The following SMARCA2 variants were observed in gnomAD, a reference collection of about 807,000 sequenced individuals.
SMARCA2 encodes the protein SWI/SNF-related matrix-associated actin-dependent regulator of chromatin subfamily A member 2.
In SMARCA2, 61 loss-of-function variants were observed where a neutral mutation model predicts 199.8. The ratio of observed to expected loss-of-function variants is 0.31; its 90% confidence interval spans 0.25 to 0.38. The LOEUF (loss-of-function observed/expected upper bound fraction) is 0.38, where lower values mean the gene tolerates loss of function less well. Among genes scored for constraint, SMARCA2 ranks in the 10% least tolerant of loss-of-function variants. The pLI, the probability that SMARCA2 is intolerant of heterozygous loss-of-function variation, is 1.00. For synonymous variants in SMARCA2, 935 were observed against 732.0 expected (o/e 1.28, Z -4.48); for missense variants, 1,344 against 2,012.2 (o/e 0.67, Z 6.35).
chr9:2,077,635 T>TA lies in SMARCA2; in HGVS notation c.2045dup (p.Gln683AlafsTer5), dbSNP rs768905279. On this transcript the variant is annotated frameshift_variant, in exon 14 of 34. Transcript: ENST00000349721. LOFTEE classifies it high-confidence loss of function. ...CCACTTTTTCCTTTCCCAGGACAGCTAAGCAAGACGTGGATGATGAATACA... is the reference window on the plus strand; with the variant it reads ...CCACTTTTTCCTTTCCCAGGACAGCTAAAGCAAGACGTGGATGATGAATACA... 1 of 1,613,782 alleles carries TA rather than the reference T, an allele frequency of 6.2e-7. No homozygotes were observed. The highest frequency in any genetic ancestry group is 1.7e-4 in the Middle Eastern group (1 of 6,060).
intron 9 of SMARCA2, chr9:2,069,053 A>C (rs1820968691): frequency 6.6e-6 from 1 of 151,358 alleles, no homozygotes; most frequent in Non-Finnish European, 1.5e-5. Flanking sequence ...AGTAGCTGGG[A>C]CTACAGGTAC....
intron 14 of SMARCA2, 67 bp downstream of exon 14, chr9:2,077,843 T>A: frequency 7.0e-7 from 1 of 1,438,146 alleles, no homozygotes; most frequent in Non-Finnish European, 9.5e-7. Context: ...TTGAAGTATG[T>A]CGTGCACATG....
Position 2,161,918 on chromosome 9 carries a change from C to G in SMARCA2, c.4199+15C>G, listed in dbSNP as rs1405207386. 2 of 1,602,264 alleles carry G rather than the reference C, an allele frequency of 1.2e-6. No homozygotes were observed. The highest frequency in any genetic ancestry group is 2.7e-5 in the African/African-American group (2 of 74,666). ...TACAAAGATAGGTGAGTGTTTGGTT[C>G]CTTCACCTTGATCATCTCTCACCAA... On this transcript the variant is annotated intron_variant, in intron 28 of 33. Transcript: ENST00000349721. The surrounding 1 kb of genome is among the most constrained non-coding windows in gnomAD (Gnocchi z 4.7).
chr9:2,110,445 G>C lies in SMARCA2; in HGVS notation c.3456+28G>C. 2 of 1,547,500 alleles carry C rather than the reference G, an allele frequency of 1.3e-6. No homozygotes were observed. The highest frequency in any genetic ancestry group is 1.7e-6 in the Non-Finnish European group (2 of 1,148,310). On this transcript the variant is annotated intron_variant, in intron 24 of 33. Coordinates refer to ENST00000349721, the MANE Select transcript of SMARCA2 (RefSeq NM_003070.5). This position sits in a 1 kb window ranked among gnomAD's most constrained non-coding sequence, Gnocchi z 4.8. ...CTGCATGTCCCACTCAGGTGCCCAG[G>C]CCTCCCTCTGGAGAGCAACTAAAAG...
At chr9:2,035,511 G>A (rs2130221950) in intron 3 of SMARCA2, among the ~76,000 whole-genome samples, 1 of 152,212 alleles carries the variant, frequency 6.6e-6, no homozygotes, top group Non-Finnish European at 1.5e-5. Context: ...ATAATTGAGA[G>A]CATTTTTACT....
At chr9:2,028,121 A>G (rs1818911569) in intron 1 of SMARCA2, among the ~76,000 whole-genome samples, 1 of 147,826 alleles carries the variant, frequency 6.8e-6, no homozygotes, top group Non-Finnish European at 1.5e-5. Context: ...CTGATCCAGT[A>G]GTCATGGATG....
At chr9:2,134,368 C>A (rs7034086) in intron 27 of SMARCA2, among the ~76,000 whole-genome samples, 2 of 152,192 alleles carry the variant, frequency 1.3e-5, no homozygotes, top group East Asian at 3.8e-4. Flanking sequence ...CCTAGGTGCA[C>A]ACCAACCCAA....
Position 2,058,342 on chromosome 9 carries a change from C to A in SMARCA2, c.1399C>A (p.Arg467=). 1.9e-6 allele frequency: 3 copies of A among 1,614,116 alleles called. No homozygotes were observed. The highest frequency in any genetic ancestry group is 2.5e-6 in the Non-Finnish European group (3 of 1,179,958). Residue 467 remains arginine, a synonymous_variant, in exon 8 of 34, where the codon CGG becomes AGG. Coordinates refer to ENST00000349721, the MANE Select transcript of SMARCA2 (RefSeq NM_003070.5). The part of the protein sequence containing the change: ...QHAKDFKEYH[R]SVAGKIQKLS... ...TGCAAAAGATTTTAAGGAATATCAT[C>A]GGTCTGTGGCCGGAAAGATCCAGAA...
chr9:2,170,490 A>G lies in SMARCA2; in HGVS notation c.4253+18A>G, dbSNP rs369733687. The G allele has an allele frequency of 9.6e-5, 155 of 1,613,942 alleles. No homozygotes were observed. The highest frequency in any genetic ancestry group is 1.2e-4 in the Non-Finnish European group (145 of 1,179,950). On this transcript the variant is annotated intron_variant, in intron 29 of 33. Coordinates refer to ENST00000349721, the MANE Select transcript of SMARCA2 (RefSeq NM_003070.5). The surrounding 1 kb of genome is among the most constrained non-coding windows in gnomAD (Gnocchi z 4.7). ...GGAAACAGGTCAGGATCTGTCTTGT[A>G]TTCCCCTATCTCTAAATACAGGTAT...
At chr9:2,069,307 G>C (rs72687594) in intron 9 of SMARCA2, among the ~76,000 whole-genome samples, 13,614 of 151,604 alleles carry the variant, frequency 0.09, 732 homozygotes, top group East Asian at 0.28. Context: ...AGAAATGGTA[G>C]ATAGGCTGGG....
At chr9:2,050,885 G>C (rs1007933463) in intron 5 of SMARCA2, among the ~76,000 whole-genome samples, 2 of 152,152 alleles carry the variant, frequency 1.3e-5, no homozygotes, top group African/African-American at 4.8e-5. Flanking sequence ...TTTCTTGCCA[G>C]AACAGTAACC....
intron 1 of SMARCA2, among the ~76,000 whole-genome samples, chr9:2,024,132 T>C (rs995478303): frequency 4.6e-5 from 7 of 152,216 alleles, no homozygotes; most frequent in African/African-American, 1.4e-4. Flanking sequence ...TTAAGAGATA[T>C]TGTCAAGGTT....
At chr9:2,046,139 T>C (rs1233677903) in intron 4 of SMARCA2, 1 of 152,190 alleles carries the variant, frequency 6.6e-6, no homozygotes, top group African/African-American at 2.4e-5. Flanking sequence ...GGAAAAATGC[T>C]CTGGACTTTA....
At chr9:2,178,839 G>A (rs758661356) in intron 29 of SMARCA2, among the ~76,000 whole-genome samples, 16 of 152,154 alleles carry the variant, frequency 1.1e-4, no homozygotes, top group Non-Finnish European at 1.3e-4. Context: ...GGACCTCCTG[G>A]CTTTGTCTGC....
intron 9 of SMARCA2, 160 bp downstream of exon 9, chr9:2,061,146 T>TCCTA (rs1283934313): frequency 4.7e-6 from 3 of 644,926 alleles, no homozygotes; most frequent in Non-Finnish European, 7.8e-6. Context: ...GAAGTGTTGA[T>TCCTA]TAGGTACACT....
rs11793036 is a variant in SMARCA2, at chr9:2,104,425, T to G, written c.3292+256T>G. ...GTCACTTTTGAGTACCTAAATAAAATAAAATTAAACTAAATTAAAATTTTA... is the reference window on the plus strand; with the variant it reads ...GTCACTTTTGAGTACCTAAATAAAAGAAAATTAAACTAAATTAAAATTTTA... On this transcript the variant is annotated intron_variant, in intron 23 of 33. Transcript: ENST00000349721. The surrounding 1 kb of genome is among the most constrained non-coding windows in gnomAD (Gnocchi z 4.0). Among the ~76,000 whole-genome samples the G allele has an allele frequency of 0.15, 22,121 of 152,126 alleles. 1,793 individuals carry two copies. The highest frequency in any genetic ancestry group is 0.21 in the African/African-American group (8,783 of 41,476).
In SMARCA2 at chr9:2,101,469, T is replaced by A. The variant is rs1822511542; in HGVS notation, c.3079-101T>A. The A allele has an allele frequency of 6.8e-6, 4 of 591,628 alleles. No homozygotes were observed. The East Asian group carries it at 1.3e-4, about 19-fold the overall frequency. The allele number at this position is 591,628 out of a possible 1,614,324, so 36.6% of individuals were successfully genotyped here. A position where few individuals can be genotyped will look rare whatever the true frequency, so the allele number is the denominator to read the frequency against. On this transcript the variant is annotated intron_variant, in intron 21 of 33. Coordinates refer to ENST00000349721, the MANE Select transcript of SMARCA2 (RefSeq NM_003070.5). ...TTTGCTTATTCATTAATTATTTTGTTTTAACTATAGAAATAGGTAGGATAA... is the reference window on the plus strand; with the variant it reads ...TTTGCTTATTCATTAATTATTTTGTATTAACTATAGAAATAGGTAGGATAA...
At chr9:2,155,145 C>G (rs7048236) in intron 27 of SMARCA2, among the ~76,000 whole-genome samples, 2 of 152,126 alleles carry the variant, frequency 1.3e-5, no homozygotes, top group Non-Finnish European at 2.9e-5. Flanking sequence ...CAGGGCCAGA[C>G]GTTTTGTGGG....
chr9:2,153,609 A>G (rs1021567615), intron 27 of SMARCA2, among the ~76,000 whole-genome samples: 3 of 152,212 alleles, frequency 2.0e-5, no homozygotes, highest in African/African-American at 7.2e-5. Flanking sequence ...TTAATGCTCA[A>G]TGTTTTTAAT....
Sources: allele counts gnomAD v4.1 joint callset (sites outside exome capture counted in the v4.1 genomes callset), GRCh38; gene constraint gnomAD v4.1.1; non-coding constraint Gnocchi (gnomAD v3.1); transcripts MANE v1.5; gene names NCBI Gene and HGNC (gene_info 2026-07-23, HGNC 2026-07-21).